Variants in ABTB1 observed in about 807,000 individuals in gnomAD.
ABTB1 encodes ankyrin repeat and BTB/POZ domain-containing protein 1.
Under a neutral mutation model 57.1 loss-of-function variants are expected in ABTB1, and 45 were observed. That is an observed-to-expected ratio of 0.79 (90% CI 0.62 to 1.01). ABTB1 has a LOEUF of 1.01. Ranked by LOEUF, ABTB1 falls within the 50% of genes least tolerant of loss-of-function variation. The pLI is 0.00. For missense variants in ABTB1, 630 were observed against 666.3 expected, an observed-to-expected ratio of 0.95 and a Z score of 0.60; for synonymous variants, 302 against 275.4, an observed-to-expected ratio of 1.10 and a Z score of -0.95.
intron 10 of ABTB1, 97 bp from the exon 11 acceptor site, chr3:127,679,888 A>C: frequency 8.1e-7 from 1 of 1,228,102 alleles, no homozygotes; most frequent in Non-Finnish European, 1.1e-6. Flanking sequence ...CCTTCCCGCC[A>C]GTGCCCCCCA....
chr3:127,677,906 C>G, intron 10 of ABTB1, 63 bp downstream of exon 10: 1 of 1,564,418 alleles, frequency 6.4e-7, no homozygotes, highest in South Asian at 1.1e-5. Flanking sequence ...TGAGAGGGAG[C>G]GCCAGGGCCC....
Position 127,676,594 on chromosome 3 carries a change from G to A in ABTB1, c.526+13G>A, listed in dbSNP as rs764934577. The A allele has an allele frequency of 1.2e-6, 2 of 1,613,464 alleles. No individual in the cohort carries two copies. Among genetic ancestry groups the A allele is most frequent in the South Asian group, 2.2e-5 (2 of 91,048 alleles). ...TACCTGTACACAGGTGACCCCCTGG[G>A]TCCAGGGTAGGAGGAGAGGGAGTGG... On this transcript the variant is annotated intron_variant, in intron 6 of 11. Transcript: ENST00000232744. The surrounding 1 kb of genome is among the most constrained non-coding windows in gnomAD (Gnocchi z 5.4).
Position 127,677,214 on chromosome 3 carries a change from C to G in ABTB1, c.690C>G (p.Pro230=). The G allele has an allele frequency of 6.2e-7, 1 of 1,610,292 alleles. No individual in the cohort carries two copies. The highest frequency in any genetic ancestry group is 8.5e-7 in the Non-Finnish European group (1 of 1,178,500). ...GTCVKVLTIE[P]PPADPRLRED... is the part of the protein sequence containing the mutation. ...GTGTGAAGGTGCTGACCATCGAGCC[C>G]CCACCTGCAGACCCCCGCCTCCGGG... The change falls in exon 8 of 12, where the codon CCC becomes CCG. Residue 230 remains proline (P), a synonymous_variant. Transcript: ENST00000232744.
intron 10 of ABTB1, chr3:127,679,724 T>C (rs985346770): frequency 1.7e-6 from 1 of 585,684 alleles, no homozygotes; most frequent in Admixed American, 2.3e-5. Flanking sequence ...GCGAGGGCCC[T>C]GCCTCCCGCC....
chr3:127,674,554 CT>C lies in ABTB1; in HGVS notation c.130del (p.Cys44AlafsTer34). On this transcript the variant is annotated frameshift_variant, in exon 3 of 12. Coordinates refer to ENST00000232744, the MANE Select transcript of ABTB1 (RefSeq NM_172027.3). LOFTEE classifies it high-confidence loss of function. ...KWDSTPLYYACLCGHEELVLY... is the reference protein window; with the variant it reads ...KWDSTPLYYAXLCGHEELVLY... ...TCCTTCCTCCCTTCAGGTACTATGCCTGCTTGTGTGGGCACGAGGAGCTGGT... is the reference window on the plus strand; with the variant it reads ...TCCTTCCTCCCTTCAGGTACTATGCCGCTTGTGTGGGCACGAGGAGCTGGT... 6.2e-7 allele frequency: 1 copy of C among 1,614,178 alleles called. No individual in the cohort carries two copies. The highest frequency in any genetic ancestry group is 8.5e-7 in the Non-Finnish European group (1 of 1,180,022).
At chr3:127,679,246 A>G (rs1487106905) in intron 10 of ABTB1, 1 of 298,108 alleles carries the variant, frequency 3.4e-6, no homozygotes, top group African/African-American at 2.2e-5. Context: ...CCTCTAGAAC[A>G]TGGGGATAGC....
chr3:127,677,966 A>G, intron 10 of ABTB1, 123 bp downstream of exon 10: 1 of 1,264,568 alleles, frequency 7.9e-7, no homozygotes, highest in South Asian at 1.5e-5. Context: ...CGTTTTGAGA[A>G]GGCTGGAGGG....
rs116745628 is a variant in ABTB1 at position 127,674,060 on chromosome 3, C to G, written c.57-331C>G. The stretch of plus-strand genomic sequence containing the variant: ...CAGCTTCTTCCTGCAGTAGAGAGCT[C>G]TGGTGGGAGTGAAGGCTCCATCACC... On this transcript the variant is annotated intron_variant, in intron 1 of 11. Transcript: ENST00000232744. 418 of 387,124 alleles carry G rather than the reference C, an allele frequency of 1.1e-3. 3 individuals are homozygous for G. Among genetic ancestry groups the G allele is most frequent in the African/African-American group, 8.1e-3 (397 of 48,740 alleles). The allele number at this position is 387,124 out of a possible 1,614,324, so 24.0% of individuals were successfully genotyped here. A position where few individuals can be genotyped will look rare whatever the true frequency, so the allele number is the denominator to read the frequency against.
intron 3 of ABTB1, 41 bp from the exon 4 acceptor site, chr3:127,675,929 A>T: frequency 6.3e-7 from 1 of 1,587,718 alleles, no homozygotes; most frequent in Non-Finnish European, 8.6e-7. Context: ...AATTTCCCCC[A>T]GGCCCCTTCC....
intron 1 of ABTB1, chr3:127,674,069 G>A: frequency 2.5e-6 from 1 of 402,330 alleles, no homozygotes; most frequent in Non-Finnish European, 4.7e-6. Flanking sequence ...TCTGGTGGGA[G>A]TGAAGGCTCC....
Position 127,680,140 on chromosome 3 carries a change from G to A in ABTB1, c.1185G>A (p.Arg395=), listed in dbSNP as rs767506385. Residue 395 remains arginine, a synonymous_variant, in exon 11 of 12, where the codon CGG becomes CGA. Transcript: ENST00000232744. ...WRVAKLFRLA[R]LEDQCTEYMA... ...TGGCCAAGCTCTTCCGCCTGGCGCG[G>A]CTTGAGGACCAGTGCACTGAGTACA... 28 of 1,613,962 alleles carry A rather than the reference G, an allele frequency of 1.7e-5. No individual in the cohort carries two copies. In the East Asian group the frequency reaches 6.2e-4, roughly 36 times the overall value.
chr3:127,679,799 A>G, intron 10 of ABTB1, 186 bp from the exon 11 acceptor site: 1 of 339,556 alleles, frequency 2.9e-6, no homozygotes, highest in Non-Finnish European at 5.7e-6. Flanking sequence ...GCGGTCCTGC[A>G]GATCCCTGTG....
At chr3:127,673,731 C>G (rs1157843997) in intron 1 of ABTB1, 2 of 156,122 alleles carry the variant, frequency 1.3e-5, no homozygotes, top group African/African-American at 2.4e-5. Context: ...CCTGGGCTGG[C>G]GCCGGGCTGC....
rs2075009440 is a variant in ABTB1 at position 127,677,306 on chromosome 3, G to T, written c.762+20G>T. ...CTCCGAGTAAGTGCGGGGCTGGTGG[G>T]CAGGAAGGGCGTTTTGGGATGGCAG... On this transcript the variant is annotated intron_variant, in intron 8 of 11. Transcript: ENST00000232744. 1.3e-6 allele frequency: 2 copies of T among 1,581,956 alleles called. No individual in the cohort carries two copies. The highest frequency in any genetic ancestry group is 4.5e-5 in the East Asian group (2 of 44,232).
rs777912637 is a variant in ABTB1, at chr3:127,677,087, C to T, written c.643+4C>T. On this transcript the variant is annotated splice_donor_region_variant and intron_variant, in intron 7 of 11. Transcript: ENST00000232744. ...TGCGAGAAGGTGTCTGAGTTTGGTG[C>T]GAGCAGGGTTTGGGGCCCGGGGCCA... is the stretch of plus-strand genomic sequence containing the variant. 24 of 1,613,842 alleles carry T rather than the reference C, an allele frequency of 1.5e-5. No homozygotes were observed. The highest frequency in any genetic ancestry group is 1.4e-4 in the South Asian group (13 of 91,076).
At position 127,676,621 on chromosome 3, in the gene ABTB1, C is replaced by T. The variant is rs756382306; in HGVS notation, c.526+40C>T. ...CCAGGGTAGGAGGAGAGGGAGTGGGCCGTCCTTCTGGACAGCAGTACACCT... is the reference window on the plus strand; with the variant it reads ...CCAGGGTAGGAGGAGAGGGAGTGGGTCGTCCTTCTGGACAGCAGTACACCT... On this transcript the variant is annotated intron_variant, in intron 6 of 11. Transcript: ENST00000232744. The surrounding 1 kb of genome is among the most constrained non-coding windows in gnomAD (Gnocchi z 5.4). 2 of 1,610,434 alleles carry T rather than the reference C, an allele frequency of 1.2e-6. No individual in the cohort carries two copies. Among genetic ancestry groups the T allele is most frequent in the Non-Finnish European group, 1.7e-6 (2 of 1,178,056 alleles).
At position 127,680,159 on chromosome 3, in the gene ABTB1, G is replaced by A; in HGVS notation, c.1204G>A (p.Glu402Lys). The A allele has an allele frequency of 6.2e-7, 1 of 1,613,942 alleles. No homozygotes were observed. Among genetic ancestry groups the A allele is most frequent in the South Asian group, 1.1e-5 (1 of 91,084 alleles). ...GGCGCGGCTTGAGGACCAGTGCACT[G>A]AGTACATGGCCAAGGTCATTGAGAA... ...RLARLEDQCT[E>K]YMAKVIEKLV... is the part of the protein sequence containing the mutation. Residue 402 changes from glutamate (E) to lysine (K), a missense_variant, in exon 11 of 12, where the codon GAG becomes AAG. Physicochemically the swap from Glu to Lys is moderately conservative, Grantham distance 56 (BLOSUM62 1). Coordinates refer to ENST00000232744, the MANE Select transcript of ABTB1 (RefSeq NM_172027.3).
At chr3:127,675,121 C>T (rs2074947637) in intron 3 of ABTB1, among the ~76,000 whole-genome samples, 1 of 152,190 alleles carries the variant, frequency 6.6e-6, no homozygotes, top group Admixed American at 6.5e-5. Context: ...CCTGCAGTTC[C>T]TCCTGCATGG....
chr3:127,677,924 C>T (rs937736441), intron 10 of ABTB1, 81 bp downstream of exon 10: 10 of 1,519,068 alleles, frequency 6.6e-6, no homozygotes, highest in Non-Finnish European at 8.9e-6. Flanking sequence ...CCCTGGGGGT[C>T]TGTGGAAGGG....
Sources: gnomAD v4.1 joint callset for allele counts (sites outside exome capture counted in the v4.1 genomes callset) on GRCh38, gnomAD v4.1.1 for gene constraint, Gnocchi (gnomAD v3.1) non-coding constraint, MANE v1.5 for transcripts, NCBI Gene and HGNC (gene_info 2026-07-23, HGNC 2026-07-21) for gene names.